SRBD1: variants seen among roughly 807,000 people sequenced by gnomAD.
SRBD1 encodes the protein S1 RNA binding domain 1.
In SRBD1, 88 loss-of-function variants were observed where a neutral mutation model predicts 115.3. The observed-to-expected ratio is 0.76, with a 90% CI of 0.64 to 0.91. SRBD1 has a LOEUF of 0.91. Among genes scored for constraint, SRBD1 ranks in the 40% least tolerant of loss-of-function variants. SRBD1 has a pLI of 0.00. For missense variants in SRBD1, 1,385 were observed against 1,177.4 expected (o/e 1.18, Z -2.58); for synonymous variants, 509 against 407.7 (o/e 1.25, Z -2.99).
chr2:45,409,159 C>G (rs955775911), intron 19 of SRBD1, among the ~76,000 whole-genome samples: 4 of 152,144 alleles, frequency 2.6e-5, no homozygotes, highest in East Asian at 3.9e-4. Flanking sequence ...GAGGTTGAGG[C>G]TGCAGTGAGC....
chr2:45,410,570 T>C (rs1304111251), intron 19 of SRBD1, among the ~76,000 whole-genome samples: 1 of 152,182 alleles, frequency 6.6e-6, no homozygotes, highest in Non-Finnish European at 1.5e-5. Flanking sequence ...TCCAGAGTGA[T>C]AGATAAGAGT....
At chr2:45,534,934 G>T (rs1188093159) in intron 14 of SRBD1, among the ~76,000 whole-genome samples, 1 of 151,828 alleles carries the variant, frequency 6.6e-6, no homozygotes, top group Non-Finnish European at 1.5e-5. Context: ...AGAGTAAAAA[G>T]AAACCCGAGA....
chr2:45,506,418 C>T (rs1013509860), intron 14 of SRBD1, among the ~76,000 whole-genome samples: 1 of 152,084 alleles, frequency 6.6e-6, no homozygotes, highest in African/African-American at 2.4e-5. Context: ...AAAACAGTGC[C>T]AACAGAAAGG....
chr2:45,558,753 G>A (rs1672566169), intron 10 of SRBD1, among the ~76,000 whole-genome samples: 2 of 143,382 alleles, frequency 1.4e-5, no homozygotes, highest in African/African-American at 2.6e-5. Flanking sequence ...GTGCAATGGC[G>A]CAATCTCGGC....
chr2:45,571,537 A>AAAAAAAAAAAAAAAAAAAAAAAAAAAC (rs1553356650), intron 9 of SRBD1, among the ~76,000 whole-genome samples: 2 of 143,800 alleles, frequency 1.4e-5, no homozygotes, highest in Non-Finnish European at 1.5e-5. Flanking sequence ...AAAAAAAAAA[A>AAAAAAAAAAAAAAAAAAAAAAAAAAAC]AAAAACTGTC....
intron 16 of SRBD1, among the ~76,000 whole-genome samples, chr2:45,471,812 T>C (rs1669657434): frequency 6.6e-6 from 1 of 152,058 alleles, no homozygotes; most frequent in Non-Finnish European, 1.5e-5. Context: ...TTTATGTAAA[T>C]GTTTTATATA....
At chr2:45,568,506 T>A (rs1672906430) in intron 9 of SRBD1, among the ~76,000 whole-genome samples, 1 of 152,146 alleles carries the variant, frequency 6.6e-6, no homozygotes, top group African/African-American at 2.4e-5. Flanking sequence ...AACTAAAAAG[T>A]TCGTAAAACA....
intron 19 of SRBD1, among the ~76,000 whole-genome samples, chr2:45,406,971 T>C (rs1022334193): frequency 1.3e-5 from 2 of 152,206 alleles, no homozygotes; most frequent in African/African-American, 4.8e-5. Context: ...ATACCTTTAA[T>C]TGGAAAGACC....
chr2:45,524,683 T>C (rs1671386606), intron 14 of SRBD1, among the ~76,000 whole-genome samples: 1 of 152,024 alleles, frequency 6.6e-6, no homozygotes, highest in Non-Finnish European at 1.5e-5. Context: ...TGCTTATGGA[T>C]TTAAAGACTT....
chr2:45,546,137 G>A, intron 14 of SRBD1: 3 of 983,918 alleles, frequency 3.0e-6, no homozygotes, highest in Non-Finnish European at 3.6e-6. Context: ...AGGAAGTAGG[G>A]AAACAATGGT....
intron 16 of SRBD1, among the ~76,000 whole-genome samples, chr2:45,440,581 C>T (rs1268083253): frequency 6.6e-6 from 1 of 152,164 alleles, no homozygotes; most frequent in Non-Finnish European, 1.5e-5. Context: ...CAAATGCACA[C>T]CAATTAGCTA....
chr2:45,599,521 C>T lies in SRBD1; in HGVS notation c.576G>A (p.Gly192=). 1 of 1,614,170 alleles carries T rather than the reference C, an allele frequency of 6.2e-7. No homozygotes were observed. Among genetic ancestry groups the T allele is most frequent in the Non-Finnish European group, 8.5e-7 (1 of 1,180,038 alleles). ...CATTTGCTGGAAACTTGACAGGCTG[C>T]CCCTGAGGATATGTCTCAGTCTTGA... ...KKIKTETYPQ[G]QPVKFPANAN... is the part of the protein sequence containing the mutation. Residue 192 remains glycine (G), a synonymous_variant, in exon 4 of 21, where the codon GGG becomes GGA. Transcript: ENST00000263736.
chr2:45,477,221 A>G (rs1669830514), intron 15 of SRBD1, 146 bp from the exon 16 acceptor site: 2 of 646,804 alleles, frequency 3.1e-6, no homozygotes, highest in African/African-American at 1.8e-5. Context: ...TTAAATTTCA[A>G]AGTTCTCTTT....
rs543596183 is a variant in SRBD1, at chr2:45,583,201, C to G, written c.816-1391G>C. Among the ~76,000 whole-genome samples, 73 of 141,502 alleles carry G rather than the reference C, an allele frequency of 5.2e-4. 2 individuals carry two copies. In the South Asian group the frequency reaches 0.014, roughly 28 times the overall value. 92.8% of individuals were successfully genotyped at this position (141,502 alleles called of 152,430 possible). ...TGATCGATGGAAAAGAAAATTAAAT[C>G]TACTTGTAAATTAAAAAAAAAAAAC... is the stretch of plus-strand genomic sequence containing the variant. On this transcript the variant is annotated intron_variant, in intron 5 of 20. Coordinates refer to ENST00000263736, the MANE Select transcript of SRBD1 (RefSeq NM_018079.5).
At chr2:45,499,652 C>A (rs1027141398) in intron 14 of SRBD1, among the ~76,000 whole-genome samples, 2 of 152,084 alleles carry the variant, frequency 1.3e-5, no homozygotes, top group East Asian at 3.8e-4. Flanking sequence ...GTCTTTAATC[C>A]ATTTTTAGTT....
At chr2:45,522,383 G>A (rs1222125577) in intron 14 of SRBD1, among the ~76,000 whole-genome samples, 1 of 152,022 alleles carries the variant, frequency 6.6e-6, no homozygotes. Flanking sequence ...TTACCATATT[G>A]CGAGAGCTAA....
At chr2:45,418,009 A>C (rs1572617719) in intron 18 of SRBD1, among the ~76,000 whole-genome samples, 1 of 152,350 alleles carries the variant, frequency 6.6e-6, no homozygotes, top group East Asian at 1.9e-4. Context: ...AACTCTGCTC[A>C]AATAAGTTTT....
intron 9 of SRBD1, 55 bp downstream of exon 9, chr2:45,573,152 C>A: frequency 6.7e-7 from 1 of 1,496,852 alleles, no homozygotes; most frequent in Non-Finnish European, 8.9e-7. Context: ...GCAGGCAAAT[C>A]CAAAATATTA....
chr2:45,588,046 T>A (rs1673601344), intron 4 of SRBD1, among the ~76,000 whole-genome samples: 1 of 152,242 alleles, frequency 6.6e-6, no homozygotes, highest in Non-Finnish European at 1.5e-5. Context: ...ACTCTGTCAC[T>A]GTTCTTCATT....
Sources: allele counts gnomAD v4.1 joint callset (sites outside exome capture counted in the v4.1 genomes callset), GRCh38; gene constraint gnomAD v4.1.1; transcripts MANE v1.5; gene names NCBI Gene and HGNC (gene_info 2026-07-23, HGNC 2026-07-21).